Variants in AATF observed in about 807,000 individuals in gnomAD.
The protein encoded by AATF is apoptosis antagonizing transcription factor.
A neutral mutation model predicts 63.7 loss-of-function variants in AATF; 48 were observed. The observed-to-expected ratio is 0.75, with a 90% CI of 0.60 to 0.96. The LOEUF (loss-of-function observed/expected upper bound fraction) is 0.96, where lower values mean the gene tolerates loss of function less well. Among genes scored for constraint, AATF ranks in the 40% least tolerant of loss-of-function variants. The pLI is 0.00. For synonymous variants in AATF, 258 were observed against 247.7 expected, an observed-to-expected ratio of 1.04 and a Z score of -0.39; for missense variants, 639 against 685.7, an observed-to-expected ratio of 0.93 and a Z score of 0.76.
In AATF at chr17:37,056,533, T is replaced by G. The variant is rs970196396; in HGVS notation, c.1620-68T>G. The G allele has an allele frequency of 3.3e-6, 5 of 1,534,450 alleles. 1 individual carries two copies. The African/African-American group carries it at 6.8e-5, about 21-fold the overall frequency. Reference sequence around the variant, plus strand: ...AAACAGAATGGGGTATTTTCCAGCTTCTGCGTTCCTTTTTAACCTTGAATA... The same window carrying G: ...AAACAGAATGGGGTATTTTCCAGCTGCTGCGTTCCTTTTTAACCTTGAATA... On this transcript the variant is annotated intron_variant, in intron 11 of 11. Transcript: ENST00000619387.
chr17:37,004,974 T>A (rs1019671893), intron 8 of AATF, among the ~76,000 whole-genome samples: 2 of 152,226 alleles, frequency 1.3e-5, no homozygotes, highest in African/African-American at 4.8e-5. Context: ...ATTCCGAGAT[T>A]AAAAATCTGA....
chr17:37,030,256 G>A (rs991769529), intron 10 of AATF, among the ~76,000 whole-genome samples: 9 of 152,018 alleles, frequency 5.9e-5, no homozygotes, highest in African/African-American at 2.2e-4. Flanking sequence ...TATTATTCTT[G>A]TAAAATTCAT....
At chr17:36,970,826 C>T (rs929861363) in intron 4 of AATF, among the ~76,000 whole-genome samples, 11 of 151,872 alleles carry the variant, frequency 7.2e-5, no homozygotes, top group African/African-American at 2.4e-4. Flanking sequence ...CCACCATTCC[C>T]GGCCTGGATA....
chr17:37,005,357 C>A (rs971186143), intron 8 of AATF, among the ~76,000 whole-genome samples: 2 of 151,970 alleles, frequency 1.3e-5, no homozygotes, highest in Non-Finnish European at 2.9e-5. Context: ...GAAGTAAGCA[C>A]AGGAGGAGAG....
rs769798979 is a variant in AATF, at chr17:36,953,846, A to G, written c.771A>G (p.Pro257=). ...TGACCACCAACCAGCTTCCTCAACC[A>G]GATGTTTTCCCATTGTTCAAGGACA... ...ALLTTNQLPQ[P]DVFPLFKDKG... The change falls in exon 4 of 12, where the codon CCA becomes CCG. Residue 257 remains proline, a synonymous_variant. Coordinates refer to ENST00000619387, the MANE Select transcript of AATF (RefSeq NM_012138.4). 29 of 1,614,016 alleles carry G rather than the reference A, an allele frequency of 1.8e-5. No homozygotes were observed. The highest frequency in any genetic ancestry group is 2.5e-5 in the Non-Finnish European group (29 of 1,180,032).
At chr17:36,957,534 A>G (rs1176366469) in intron 4 of AATF, among the ~76,000 whole-genome samples, 1 of 152,216 alleles carries the variant, frequency 6.6e-6, no homozygotes, top group Non-Finnish European at 1.5e-5. Context: ...AATACTTACA[A>G]TGCAGTGTTG....
intron 8 of AATF, among the ~76,000 whole-genome samples, chr17:37,004,344 G>A (rs2071325762): frequency 6.6e-6 from 1 of 152,110 alleles, no homozygotes; most frequent in African/African-American, 2.4e-5. Flanking sequence ...AAGAGAGAGA[G>A]TGAGAGGAAA....
intron 2 of AATF, among the ~76,000 whole-genome samples, chr17:36,951,178 T>C (rs757054748): frequency 2.6e-5 from 4 of 152,184 alleles, no homozygotes; most frequent in East Asian, 1.9e-4. Flanking sequence ...TGTTTTCCTT[T>C]AGAAAGGTCA....
At chr17:36,992,470 C>G (rs977740175) in intron 8 of AATF, among the ~76,000 whole-genome samples, 3 of 152,012 alleles carry the variant, frequency 2.0e-5, no homozygotes, top group Non-Finnish European at 4.4e-5. Flanking sequence ...TGTGAGATCA[C>G]GGGAGACAAT....
chr17:37,005,143 GC>G (rs35413923), intron 8 of AATF, among the ~76,000 whole-genome samples: 18,296 of 152,188 alleles, frequency 0.12, 1,323 homozygotes, highest in Non-Finnish European at 0.16. Context: ...TTGGGGTGCT[GC>G]CCCAGACTCC....
rs773737841 is a variant in AATF at position 36,970,541 on chromosome 17, CTTTTTTTTTTTT to C, written c.833-16070_833-16059del. Among the ~76,000 whole-genome samples, 371 of 87,004 alleles carry C rather than the reference CTTTTTTTTTTTT, an allele frequency of 4.3e-3. 2 individuals are homozygous for C. The highest frequency in any genetic ancestry group is 7.4e-3 in the Non-Finnish European group (312 of 42,056). 57.1% of individuals were successfully genotyped at this position (87,004 alleles called of 152,430 possible). A position where few individuals can be genotyped will look rare whatever the true frequency, so the allele number is the denominator to read the frequency against. ...TGGATAGTTTCTTTCTTTCTTTTTTCTTTTTTTTTTTTTTTTTAAGAGACAGTGTCTTCCTCT... is the reference window on the plus strand; with the variant it reads ...TGGATAGTTTCTTTCTTTCTTTTTTCTTTTTAAGAGACAGTGTCTTCCTCT... On this transcript the variant is annotated intron_variant, in intron 4 of 11. Coordinates refer to ENST00000619387, the MANE Select transcript of AATF (RefSeq NM_012138.4).
In AATF at chr17:36,988,570, A is replaced by G. The variant is rs1414286821; in HGVS notation, c.999A>G (p.Gln333=). ...DDELVEEKKQ[Q]RRRVPAKRKL... is the part of the protein sequence containing the mutation. ...AGCTGGTAGAAGAGAAGAAGCAGCA[A>G]CGAAGAAGGGTCCCTGCAAAGAGGA... is the stretch of plus-strand genomic sequence containing the variant. The change falls in exon 6 of 12, where the codon CAA becomes CAG. Residue 333 remains glutamine, a synonymous_variant. Transcript: ENST00000619387. 4.3e-6 allele frequency: 7 copies of G among 1,614,060 alleles called. No homozygotes were observed. The highest frequency in any genetic ancestry group is 1.3e-5 in the African/African-American group (1 of 74,934).
chr17:37,002,628 C>T lies in AATF; in HGVS notation c.1398+11771C>T, dbSNP rs112194788. ...CGGAGCTTGCAGTGAGCCAAGATAA[C>T]GCCACTGCAGTCCAGCCTGGGTGAA... On this transcript the variant is annotated intron_variant, in intron 8 of 11. Coordinates refer to ENST00000619387, the MANE Select transcript of AATF (RefSeq NM_012138.4). 1.5e-3 allele frequency among the ~76,000 whole-genome samples: 222 copies of T among 150,772 alleles called. 1 individual carries two copies. Among genetic ancestry groups the T allele is most frequent in the African/African-American group, 5.2e-3 (215 of 41,040 alleles).
chr17:37,023,194 T>C (rs2071486092), intron 10 of AATF, among the ~76,000 whole-genome samples: 1 of 152,190 alleles, frequency 6.6e-6, no homozygotes. Flanking sequence ...ACTTTTCTCA[T>C]TTACTAAGTG....
chr17:37,038,527 A>G (rs1404334002), intron 11 of AATF, among the ~76,000 whole-genome samples: 1 of 152,212 alleles, frequency 6.6e-6, no homozygotes, highest in Admixed American at 6.5e-5. Context: ...TTTGCCTTGC[A>G]TTAAATGCTG....
chr17:37,017,252 C>T (rs914178565), intron 8 of AATF, among the ~76,000 whole-genome samples: 3 of 152,156 alleles, frequency 2.0e-5, no homozygotes, highest in Non-Finnish European at 2.9e-5. Flanking sequence ...ATGGCTGGAA[C>T]GAGGTAAGGG....
At chr17:36,973,320 TCA>T (rs1482943312) in intron 4 of AATF, among the ~76,000 whole-genome samples, 1 of 152,198 alleles carries the variant, frequency 6.6e-6, no homozygotes, top group African/African-American at 2.4e-5. Flanking sequence ...TACAACACAG[TCA>T]CACAATTGGT....
rs556101690 is a variant in AATF at position 36,949,178 on chromosome 17, G to A, written c.53G>A (p.Arg18Gln). 2 of 1,593,600 alleles carry A rather than the reference G, an allele frequency of 1.3e-6. No homozygotes were observed. Among genetic ancestry groups the A allele is most frequent in the South Asian group, 1.1e-5 (1 of 87,304 alleles). ...CAACTGGAACAGTTGTTGAACCCGC[G>A]ACCAAGCGAGGCGGACCCTGAAGCG... ...ALQLEQLLNP[R>Q]PSEADPEADP... Residue 18 changes from arginine (R) to glutamine (Q), a missense_variant, in exon 1 of 12, where the codon CGA (arginine) becomes CAA (glutamine). Arg to Gln is a conservative substitution (Grantham distance 43). Coordinates refer to ENST00000619387, the MANE Select transcript of AATF (RefSeq NM_012138.4).
intron 8 of AATF, among the ~76,000 whole-genome samples, chr17:37,001,454 A>AGGAG (rs1446251343): frequency 7.9e-6 from 1 of 126,672 alleles, no homozygotes; most frequent in Non-Finnish European, 1.7e-5. Flanking sequence ...GAAGGAAGGA[A>AGGAG]GAAAAAAAAA....
Sources: allele counts gnomAD v4.1 joint callset (sites outside exome capture counted in the v4.1 genomes callset), GRCh38; gene constraint gnomAD v4.1.1; transcripts MANE v1.5; gene names NCBI Gene and HGNC (gene_info 2026-07-23, HGNC 2026-07-21).